The following SCAPER variants were observed in gnomAD, a reference collection of about 807,000 sequenced individuals.
The protein encoded by SCAPER is S phase cyclin A-associated protein in the endoplasmic reticulum.
A neutral mutation model predicts 182.2 loss-of-function variants in SCAPER; 98 were observed. That is an observed-to-expected ratio of 0.54 (90% CI 0.46 to 0.64). The LOEUF (loss-of-function observed/expected upper bound fraction) is 0.64. SCAPER is among the 30% of genes least tolerant of loss of function. The probability of loss-of-function intolerance (pLI) is 0.00; values close to 1 mark genes in which losing one functional copy is unlikely to be tolerated. For missense variants in SCAPER, 1,432 were observed against 1,690.0 expected (o/e 0.85, Z 2.68); for synonymous variants, 605 against 564.6 (o/e 1.07, Z -1.01).
At chr15:76,722,486 A>T (rs1204954083) in intron 17 of SCAPER, among the ~76,000 whole-genome samples, 4 of 152,230 alleles carry the variant, frequency 2.6e-5, no homozygotes, top group Non-Finnish European at 5.9e-5. Flanking sequence ...TGATTGCAAT[A>T]GTTTCAGAAG....
intron 20 of SCAPER, among the ~76,000 whole-genome samples, chr15:76,667,623 C>T (rs1289765197): frequency 2.7e-5 from 1 of 36,418 alleles, no homozygotes; most frequent in Non-Finnish European, 4.6e-5. Context: ...GAGACTCAGT[C>T]TCAAAAAAAA....
At chr15:76,858,902 T>C (rs1599145215) in intron 3 of SCAPER, among the ~76,000 whole-genome samples, 1 of 152,210 alleles carries the variant, frequency 6.6e-6, no homozygotes, top group Non-Finnish European at 1.5e-5. Flanking sequence ...ATTCCATGTT[T>C]TTGCTGTTGA....
chr15:76,461,631 T>A (rs1379224269), intron 25 of SCAPER, among the ~76,000 whole-genome samples: 1 of 152,206 alleles, frequency 6.6e-6, no homozygotes, highest in Non-Finnish European at 1.5e-5. Context: ...TCCTTCATTA[T>A]CAGCACATTT....
chr15:76,682,903 C>A (rs1388062791), intron 20 of SCAPER, among the ~76,000 whole-genome samples: 1 of 152,118 alleles, frequency 6.6e-6, no homozygotes, highest in South Asian at 2.1e-4. Flanking sequence ...AACAAAACGA[C>A]CCCATCCAAA....
intron 22 of SCAPER, among the ~76,000 whole-genome samples, chr15:76,597,509 A>C (rs1258620374): frequency 2.5e-5 from 3 of 121,300 alleles, no homozygotes; most frequent in African/African-American, 7.6e-5. Flanking sequence ...AATCCTAAGC[A>C]AAAAGAACAA....
chr15:76,467,753 T>C (rs896731057), intron 25 of SCAPER, among the ~76,000 whole-genome samples: 1 of 152,192 alleles, frequency 6.6e-6, no homozygotes, highest in African/African-American at 2.4e-5. Context: ...ATGCAATTTC[T>C]TCCTTCCTTA....
chr15:76,404,616 T>TGGG lies in SCAPER; in HGVS notation c.3372_3374dup (p.Pro1125dup). 6.2e-7 allele frequency: 1 copy of TGGG among 1,613,622 alleles called. No individual in the cohort carries two copies. The highest frequency in any genetic ancestry group is 8.5e-7 in the Non-Finnish European group (1 of 1,179,800). On this transcript the variant is annotated inframe_insertion, in exon 27 of 32. Coordinates refer to ENST00000563290, the MANE Select transcript of SCAPER (RefSeq NM_020843.4). ...TGGCCATCTTGGGATTCTCATCCAC[T>TGGG]GGGCCTTGCACCGAGAGGAAGCAGG...
intron 29 of SCAPER, among the ~76,000 whole-genome samples, chr15:76,371,161 A>G (rs1353413829): frequency 6.6e-6 from 1 of 152,188 alleles, no homozygotes; most frequent in Non-Finnish European, 1.5e-5. Flanking sequence ...TATCTTTTAG[A>G]AGCCCAACTG....
chr15:76,505,955 G>A (rs2041538167), intron 23 of SCAPER, among the ~76,000 whole-genome samples: 3 of 152,314 alleles, frequency 2.0e-5, no homozygotes, highest in African/African-American at 7.2e-5. Flanking sequence ...AACATAGATG[G>A]AAGTGGAGGT....
rs11853618 is a variant in SCAPER at position 76,524,123 on chromosome 15, T to G, written c.2839-19149A>C. Among the ~76,000 whole-genome samples, 1,232 of 152,260 alleles carry G rather than the reference T, an allele frequency of 8.1e-3. 13 individuals are homozygous for G. Among genetic ancestry groups the G allele is most frequent in the African/African-American group, 0.028 (1,168 of 41,560 alleles). ...GCAAATCTGTAAAAATTCCATAGCTTTGCAAGACAACATGCAGCAGTAAAA... is the reference window on the plus strand; with the variant it reads ...GCAAATCTGTAAAAATTCCATAGCTGTGCAAGACAACATGCAGCAGTAAAA... On this transcript the variant is annotated intron_variant, in intron 23 of 31. Transcript: ENST00000563290.
chr15:76,711,064 G>C (rs538708504), intron 17 of SCAPER, among the ~76,000 whole-genome samples: 5 of 152,152 alleles, frequency 3.3e-5, no homozygotes, highest in African/African-American at 1.2e-4. Flanking sequence ...AAGAATTACA[G>C]AACTAAATGC....
chr15:76,703,933 G>C (rs1291206424), intron 18 of SCAPER, among the ~76,000 whole-genome samples: 2 of 151,928 alleles, frequency 1.3e-5, no homozygotes, highest in African/African-American at 4.8e-5. Flanking sequence ...TCTACCTTAG[G>C]GGTTTTACTA....
intron 24 of SCAPER, among the ~76,000 whole-genome samples, chr15:76,478,661 T>G (rs2050851740): frequency 6.6e-6 from 1 of 152,164 alleles, no homozygotes. Context: ...ATTTTTCCCA[T>G]GAAGAGGTAT....
intron 20 of SCAPER, among the ~76,000 whole-genome samples, chr15:76,688,881 C>T (rs916299889): frequency 8.3e-6 from 1 of 120,692 alleles, no homozygotes; most frequent in South Asian, 2.7e-4. Flanking sequence ...CAGAGTCTTG[C>T]TCTGTCGTCC....
chr15:76,605,918 T>C (rs2050347201), intron 22 of SCAPER, among the ~76,000 whole-genome samples: 1 of 152,218 alleles, frequency 6.6e-6, no homozygotes, highest in Non-Finnish European at 1.5e-5. Flanking sequence ...CTCTCTTTTC[T>C]TCATTAGTCT....
chr15:76,426,568 G>A (rs988785612), intron 26 of SCAPER, among the ~76,000 whole-genome samples: 2 of 152,104 alleles, frequency 1.3e-5, no homozygotes, highest in African/African-American at 4.8e-5. Flanking sequence ...AAGAAAGAGG[G>A]CACCAATAAA....
rs755367749 is a variant in SCAPER, at chr15:76,753,937, G to A, written c.1737C>T (p.Val579=). The change falls in exon 15 of 32, where the codon GTC becomes GTT. Residue 579 remains valine, a synonymous_variant. Coordinates refer to ENST00000563290, the MANE Select transcript of SCAPER (RefSeq NM_020843.4). ...CTAGCAATTCTTCCTTCCACTTCCG[G>A]ACATCCTTCTCCTACGTATAGTGAA... ...LQKLLEREKD[V]RKWKEELLDQ... is the part of the protein sequence containing the mutation. 1.2e-6 allele frequency: 2 copies of A among 1,612,170 alleles called. No homozygotes were observed. Among genetic ancestry groups the A allele is most frequent in the Non-Finnish European group, 1.7e-6 (2 of 1,178,936 alleles).
chr15:76,882,422 A>C (rs989090230), intron 2 of SCAPER, among the ~76,000 whole-genome samples: 5 of 151,918 alleles, frequency 3.3e-5, no homozygotes, highest in Non-Finnish European at 4.4e-5. Context: ...TAAGAGAAAA[A>C]AAATCTGTCA....
rs1032264132 is a variant in SCAPER at position 76,767,344 on chromosome 15, G to A, written c.1249-256C>T. 8.6e-5 allele frequency among the ~76,000 whole-genome samples: 13 copies of A among 152,040 alleles called. 1 individual carries two copies. Among genetic ancestry groups the A allele is most frequent in the South Asian group, 4.1e-4 (2 of 4,822 alleles). On this transcript the variant is annotated intron_variant, in intron 10 of 31. Coordinates refer to ENST00000563290, the MANE Select transcript of SCAPER (RefSeq NM_020843.4). ...CTTGCCTTATTTACCAGACAGCTAC[G>A]TATGAGAAACTGTGAAATTATATAA...
Sources: allele counts gnomAD v4.1 joint callset (sites outside exome capture counted in the v4.1 genomes callset), GRCh38; gene constraint gnomAD v4.1.1; transcripts MANE v1.5; gene names NCBI Gene and HGNC (gene_info 2026-07-23, HGNC 2026-07-21).